The following CELF4 variants were observed in gnomAD, a reference collection of about 807,000 sequenced individuals.
The protein encoded by CELF4 is CUGBP Elav-like family member 4.
A neutral mutation model predicts 59.9 loss-of-function variants in CELF4; 18 were observed. The observed-to-expected ratio is 0.30, with a 90% CI of 0.21 to 0.45. CELF4 has a LOEUF of 0.45. Among genes scored for constraint, CELF4 ranks in the 20% least tolerant of loss-of-function variants. The pLI, the probability that CELF4 is intolerant of heterozygous loss-of-function variation, is 1.00. For missense variants in CELF4, 456 were observed against 689.0 expected, an observed-to-expected ratio of 0.66 and a Z score of 3.79; for synonymous variants, 261 against 267.1, an observed-to-expected ratio of 0.98 and a Z score of 0.22.
At chr18:37,321,774 G>A in intron 3 of CELF4, 29 bp downstream of exon 3, 4 of 1,523,496 alleles carry the variant, frequency 2.6e-6, no homozygotes, top group Non-Finnish European at 3.6e-6. Context: ...GAGGGGGAGG[G>A]GGAGGGGCAG....
chr18:37,513,917 T>TC (rs2099947479), intron 1 of CELF4, among the ~76,000 whole-genome samples: 1 of 151,538 alleles, frequency 6.6e-6, no homozygotes, highest in Non-Finnish European at 1.5e-5. Context: ...CCTAATTTTG[T>TC]CCCTCTTCCC....
At chr18:37,430,141 C>A (rs1239945237) in intron 2 of CELF4, among the ~76,000 whole-genome samples, 2 of 152,178 alleles carry the variant, frequency 1.3e-5, no homozygotes, top group Non-Finnish European at 2.9e-5. Context: ...ATCCGCCACC[C>A]CACCTCAGCC....
chr18:37,254,407 G>A lies in CELF4; in HGVS notation c.1334-469C>T, dbSNP rs944829059. ...GCCTGGGGAGAGAGACGAGTGCGAG[G>A]GGCCGGGAGGGAGGCGCCGCCGAGA... On this transcript the variant is annotated intron_variant, in intron 11 of 12. Coordinates refer to ENST00000420428, the MANE Select transcript of CELF4 (RefSeq NM_020180.4). This position sits in a 1 kb window ranked among gnomAD's most constrained non-coding sequence, Gnocchi z 5.1. Among the ~76,000 whole-genome samples, 1 of 151,884 alleles carries A rather than the reference G, an allele frequency of 6.6e-6. No individual in the cohort carries two copies. The highest frequency in any genetic ancestry group is 1.5e-5 in the Non-Finnish European group (1 of 67,904).
In CELF4 at chr18:37,292,129, G is replaced by A. The variant is rs77152813; in HGVS notation, c.449-16886C>T. ...TTCTCACCAGATATGGAATCTGCTG[G>A]CATCTTAATCTTGGACATTCTGGCC... On this transcript the variant is annotated intron_variant, in intron 3 of 12. Transcript: ENST00000420428. 7.2e-5 allele frequency among the ~76,000 whole-genome samples: 11 copies of A among 152,154 alleles called. No homozygotes were observed. The East Asian group carries it at 2.1e-3, about 29-fold the overall frequency.
At chr18:37,378,222 C>T (rs1221270784) in intron 2 of CELF4, among the ~76,000 whole-genome samples, 1 of 152,172 alleles carries the variant, frequency 6.6e-6, no homozygotes, top group Non-Finnish European at 1.5e-5. Context: ...ACTGCTCGCC[C>T]CACGCCCACC....
intron 2 of CELF4, among the ~76,000 whole-genome samples, chr18:37,468,540 G>C (rs944408885): frequency 2.0e-5 from 3 of 152,142 alleles, no homozygotes; most frequent in Non-Finnish European, 2.9e-5. Context: ...CTGTTTTCTG[G>C]AAGATGGATG....
At chr18:37,539,495 G>A (rs1448570083) in intron 1 of CELF4, among the ~76,000 whole-genome samples, 5 of 151,570 alleles carry the variant, frequency 3.3e-5, no homozygotes, top group Non-Finnish European at 5.9e-5. Flanking sequence ...ACACACACGC[G>A]TGCACGTGCA....
chr18:37,431,622 G>A (rs2099667198), intron 2 of CELF4, among the ~76,000 whole-genome samples: 1 of 152,128 alleles, frequency 6.6e-6, no homozygotes, highest in Admixed American at 6.5e-5. Flanking sequence ...GCCCGCCTCG[G>A]CCTCCCAAAG....
chr18:37,358,938 C>A (rs1456330371), intron 2 of CELF4, among the ~76,000 whole-genome samples: 2 of 152,100 alleles, frequency 1.3e-5, no homozygotes, highest in African/African-American at 4.8e-5. Context: ...CCCATCTCTA[C>A]TAAAAATACA....
At chr18:37,475,308 G>A (rs972799466) in intron 2 of CELF4, among the ~76,000 whole-genome samples, 3 of 152,198 alleles carry the variant, frequency 2.0e-5, no homozygotes, top group Non-Finnish European at 4.4e-5. Flanking sequence ...TTGTGCCCAC[G>A]AATCTCCTAG....
chr18:37,500,030 C>T (rs995928457), intron 1 of CELF4, among the ~76,000 whole-genome samples: 9 of 152,182 alleles, frequency 5.9e-5, no homozygotes, highest in Admixed American at 1.3e-4. Flanking sequence ...TTGAGTAAGG[C>T]TGGGGAGCCC....
At chr18:37,248,211 CATTTT>C (rs1447462377) in intron 12 of CELF4, among the ~76,000 whole-genome samples, 8 of 152,170 alleles carry the variant, frequency 5.3e-5, no homozygotes, top group Admixed American at 3.3e-4. Flanking sequence ...GAGCAGGGTT[CATTTT>C]GAGATTTAGG....
At chr18:37,483,298 G>A (rs2099873642) in intron 2 of CELF4, among the ~76,000 whole-genome samples, 1 of 152,172 alleles carries the variant, frequency 6.6e-6, no homozygotes. Context: ...CTGCATGCAG[G>A]TTTGTGTGGA....
At chr18:37,433,996 G>C (rs1306407219) in intron 2 of CELF4, among the ~76,000 whole-genome samples, 1 of 152,194 alleles carries the variant, frequency 6.6e-6, no homozygotes, top group Non-Finnish European at 1.5e-5. Flanking sequence ...TTTTTAAACA[G>C]AGAAATCTTA....
At chr18:37,521,877 T>C (rs945168720) in intron 1 of CELF4, among the ~76,000 whole-genome samples, 2 of 152,188 alleles carry the variant, frequency 1.3e-5, no homozygotes, top group Non-Finnish European at 2.9e-5. Flanking sequence ...AACTTCTGAG[T>C]AGGCACAGAA....
At chr18:37,443,306 C>A (rs2099738356) in intron 2 of CELF4, among the ~76,000 whole-genome samples, 1 of 151,998 alleles carries the variant, frequency 6.6e-6, no homozygotes, top group African/African-American at 2.4e-5. Context: ...TAAAAATAAA[C>A]ACAAGAGGCA....
chr18:37,353,233 A>AAAAATAT (rs71168258), intron 2 of CELF4, among the ~76,000 whole-genome samples: 18 of 106,974 alleles, frequency 1.7e-4, no homozygotes, highest in African/African-American at 5.3e-4. Context: ...AAAAAAAAAA[A>AAAAATAT]ATATATATAT....
At chr18:37,421,263 TG>T (rs1187019736) in intron 2 of CELF4, among the ~76,000 whole-genome samples, 2 of 152,228 alleles carry the variant, frequency 1.3e-5, no homozygotes, top group Admixed American at 6.5e-5. Context: ...TGAGTAGGGC[TG>T]GGATTAGAAC....
chr18:37,278,405 T>C (rs985876742), intron 3 of CELF4, among the ~76,000 whole-genome samples: 7 of 152,220 alleles, frequency 4.6e-5, no homozygotes, highest in Non-Finnish European at 7.3e-5. Flanking sequence ...CAGTTGGGTA[T>C]TGTGGCTTGT....
Sources: allele counts gnomAD v4.1 joint callset (sites outside exome capture counted in the v4.1 genomes callset), GRCh38; gene constraint gnomAD v4.1.1; non-coding constraint Gnocchi (gnomAD v3.1); transcripts MANE v1.5; gene names NCBI Gene and HGNC (gene_info 2026-07-23, HGNC 2026-07-21).